Variants in HYDIN observed in about 807,000 individuals in gnomAD.
HYDIN encodes the protein HYDIN axonemal central pair apparatus protein.
HYDIN carries 132 observed loss-of-function variants against 403.9 expected under a neutral mutation model. The ratio of observed to expected loss-of-function variants is 0.33; its 90% CI spans 0.28 to 0.38. The LOEUF is 0.38. Ranked by LOEUF, HYDIN falls within the 10% of genes least tolerant of loss-of-function variation. The pLI is 1.00. For synonymous variants in HYDIN, 1,202 were observed against 1,891.7 expected (o/e 0.64, Z 9.46); for missense variants, 2,827 against 5,009.5 (o/e 0.56, Z 13.15).
chr16:70,857,856 G>A lies in HYDIN; in HGVS notation c.12144C>T (p.Phe4048=). Residue 4048 remains phenylalanine (F), a synonymous_variant, in exon 72 of 86, where the codon TTC becomes TTT. Coordinates refer to ENST00000393567, the MANE Select transcript of HYDIN (RefSeq NM_001270974.2). Reference sequence around the variant, plus strand: ...CAGTGATGCCCAGATGGAAAGGTGTGAACTGGAACACGATCTAACAAGACA... The same window carrying A: ...CAGTGATGCCCAGATGGAAAGGTGTAAACTGGAACACGATCTAACAAGACA... ...PEKKAEIVFQ[F]TPFHLGITES... is the part of the protein sequence containing the mutation. 2.5e-6 allele frequency: 4 copies of A among 1,613,302 alleles called. No individual in the cohort carries two copies. Among genetic ancestry groups the A allele is most frequent in the Non-Finnish European group, 3.4e-6 (4 of 1,179,786 alleles).
At chr16:70,976,755 T>C (rs1289050581) in intron 30 of HYDIN, among the ~76,000 whole-genome samples, 1 of 152,212 alleles carries the variant, frequency 6.6e-6, no homozygotes, top group Non-Finnish European at 1.5e-5. Flanking sequence ...AAATATTTCA[T>C]GGGGAATATT....
chr16:71,197,146 CA>C (rs1368520514), intron 1 of HYDIN, among the ~76,000 whole-genome samples: 1 of 152,124 alleles, frequency 6.6e-6, no homozygotes, highest in East Asian at 1.9e-4. Context: ...CATAATCCCA[CA>C]AATCAATACC....
At chr16:71,103,919 CTATT>C (rs2083531780) in intron 10 of HYDIN, among the ~76,000 whole-genome samples, 2 of 152,170 alleles carry the variant, frequency 1.3e-5, no homozygotes, top group South Asian at 4.1e-4. Context: ...CTATATTTTT[CTATT>C]TGTTTAGGTC....
At chr16:71,150,827 T>A (rs1320727364) in intron 7 of HYDIN, among the ~76,000 whole-genome samples, 1 of 152,164 alleles carries the variant, frequency 6.6e-6, no homozygotes, top group Non-Finnish European at 1.5e-5. Flanking sequence ...ATGACTAGTA[T>A]TTAGAATACT....
intron 9 of HYDIN, among the ~76,000 whole-genome samples, chr16:71,120,001 A>T (rs2084197073): frequency 6.6e-6 from 1 of 151,664 alleles, no homozygotes; most frequent in African/African-American, 2.4e-5. Context: ...AACATCCAGA[A>T]ATTTCCTTCC....
At position 70,960,980 on chromosome 16, in the gene HYDIN, C is replaced by T. The variant is rs1255695346; in HGVS notation, c.5968+979G>A. Among the ~76,000 whole-genome samples the T allele has an allele frequency of 3.9e-5, 6 of 152,266 alleles. No homozygotes were observed. In the East Asian group the frequency reaches 1.2e-3, roughly 29 times the overall value. The stretch of plus-strand genomic sequence containing the variant: ...TGCTGGAATTACAGGCGTGAGCCAC[C>T]TTGCCCGGCCTAGCTCATTCTTTTT... On this transcript the variant is annotated intron_variant, in intron 38 of 85. Transcript: ENST00000393567.
chr16:70,845,773 A>G (rs1411726479), intron 75 of HYDIN, among the ~76,000 whole-genome samples: 1 of 135,750 alleles, frequency 7.4e-6, no homozygotes, highest in Non-Finnish European at 1.5e-5. Context: ...GTCTTGGGAG[A>G]GTGTATGTGT....
chr16:71,131,122 C>T (rs1314585834), intron 8 of HYDIN, among the ~76,000 whole-genome samples: 9 of 56,982 alleles, frequency 1.6e-4, no homozygotes, highest in African/African-American at 6.2e-4. Flanking sequence ...GAATTCCTGT[C>T]CCAGTTCCAA....
chr16:71,136,137 G>C (rs946760923), intron 8 of HYDIN, among the ~76,000 whole-genome samples: 1 of 135,778 alleles, frequency 7.4e-6, no homozygotes, highest in Non-Finnish European at 1.6e-5. Flanking sequence ...GCTTAAAAGA[G>C]GCAAGCATGG....
At chr16:70,897,657 T>C (rs982932552) in intron 53 of HYDIN, among the ~76,000 whole-genome samples, 37 of 146,932 alleles carry the variant, frequency 2.5e-4, no homozygotes, top group African/African-American at 8.6e-4. Flanking sequence ...TTGAGGAAAA[T>C]AGGAAGGACA....
In HYDIN at chr16:71,184,844, A is replaced by G. The variant is rs1469083232; in HGVS notation, c.261+21T>C. On this transcript the variant is annotated intron_variant, in intron 3 of 85. Coordinates refer to ENST00000393567, the MANE Select transcript of HYDIN (RefSeq NM_001270974.2). ...TGTGCCAGGGCCCACTTTATATGTA[A>G]GTACGACAGAGAGCAGCTACCTTCT... The G allele has an allele frequency of 8.9e-6, 14 of 1,575,532 alleles. No individual in the cohort carries two copies. The East Asian group carries it at 3.2e-4, about 36-fold the overall frequency.
At chr16:71,094,561 C>T (rs1249182870) in intron 10 of HYDIN, among the ~76,000 whole-genome samples, 1 of 152,108 alleles carries the variant, frequency 6.6e-6, no homozygotes, top group Non-Finnish European at 1.5e-5. Flanking sequence ...AGGCAGTTTC[C>T]CAAAGAGCTG....
chr16:70,970,388 G>C (rs1282121587), intron 36 of HYDIN, 132 bp downstream of exon 36: 5 of 538,450 alleles, frequency 9.3e-6, no homozygotes, highest in Admixed American at 6.4e-5. Context: ...AAAATGTCTA[G>C]GATTTTACTC....
intron 36 of HYDIN, among the ~76,000 whole-genome samples, chr16:70,967,758 A>AT (rs1262174909): frequency 2.7e-4 from 41 of 149,780 alleles, no homozygotes; most frequent in African/African-American, 7.4e-4. Context: ...AGAATTTTGT[A>AT]TTTTTTTTTG....
intron 12 of HYDIN, among the ~76,000 whole-genome samples, chr16:71,082,695 C>T (rs112171937): frequency 7.2e-6 from 1 of 138,226 alleles, no homozygotes; most frequent in African/African-American, 3.0e-5. Context: ...CCCAAGTACA[C>T]CTTAACCTAT....
intron 75 of HYDIN, among the ~76,000 whole-genome samples, chr16:70,845,849 C>G (rs1477327803): frequency 1.7e-4 from 24 of 138,236 alleles, no homozygotes; most frequent in Non-Finnish European, 2.9e-4. Context: ...GTAGTATTCT[C>G]TGATGGTAGT....
rs778443464 is a variant in HYDIN, at chr16:71,129,757, A to G, written c.1110T>C (p.Thr370=). The part of the protein sequence containing the change: ...ETDEFFEECI[T]DPLLREHLSV... Reference sequence around the variant, plus strand: ...AAAGATGTTCTCGGAGTAAAGGATCAGTAATGCACTCTTCAAAAAACTCAT... The same window carrying G: ...AAAGATGTTCTCGGAGTAAAGGATCGGTAATGCACTCTTCAAAAAACTCAT... The change falls in exon 9 of 86, where the codon ACT becomes ACC. Residue 370 remains threonine (T), a synonymous_variant. Coordinates refer to ENST00000393567, the MANE Select transcript of HYDIN (RefSeq NM_001270974.2). 35 of 1,613,972 alleles carry G rather than the reference A, an allele frequency of 2.2e-5. No individual in the cohort carries two copies. Among genetic ancestry groups the G allele is most frequent in the Non-Finnish European group, 2.9e-5 (34 of 1,179,942 alleles).
chr16:71,185,193 T>C (rs1056978129), intron 2 of HYDIN, among the ~76,000 whole-genome samples: 2 of 152,102 alleles, frequency 1.3e-5, no homozygotes, highest in African/African-American at 2.4e-5. Context: ...TGCACGGTAA[T>C]TGAAAATGAC....
chr16:71,114,080 TACTGGGATAAACCAAGATAGC>T (rs2083927974), intron 10 of HYDIN: 1 of 151,268 alleles, frequency 6.6e-6, no homozygotes, highest in Non-Finnish European at 1.5e-5. Context: ...GCTGTATTAT[TACTGGGATAAACCAAGATAGC>T]ATCTCCCAGG....
Sources: gnomAD v4.1 joint callset for allele counts (sites outside exome capture counted in the v4.1 genomes callset) on GRCh38, gnomAD v4.1.1 for gene constraint, MANE v1.5 for transcripts, NCBI Gene and HGNC (gene_info 2026-07-23, HGNC 2026-07-21) for gene names.